The following SLC1A1 variants were observed in gnomAD, a reference collection of about 807,000 sequenced individuals.
SLC1A1 encodes the protein excitatory amino acid transporter 3.
A neutral mutation model predicts 53.3 loss-of-function variants in SLC1A1; 43 were observed. That is an observed-to-expected ratio of 0.81 (90% CI 0.63 to 1.04). SLC1A1 has a LOEUF of 1.04. Among genes scored for constraint, SLC1A1 ranks in the 50% least tolerant of loss-of-function variants. SLC1A1 has a pLI of 0.00. For missense variants in SLC1A1, 748 were observed against 664.9 expected (o/e 1.12, Z -1.37); for synonymous variants, 307 against 243.2 (o/e 1.26, Z -2.44).
At chr9:4,519,072 T>C (rs1198230447) in intron 1 of SLC1A1, among the ~76,000 whole-genome samples, 1 of 152,200 alleles carries the variant, frequency 6.6e-6, no homozygotes, top group Non-Finnish European at 1.5e-5. Flanking sequence ...CAGAACTGTT[T>C]ATTAGTTTGC....
intron 1 of SLC1A1, among the ~76,000 whole-genome samples, chr9:4,531,270 C>T (rs555980102): frequency 2.6e-5 from 4 of 152,286 alleles, no homozygotes; most frequent in East Asian, 1.9e-4. Context: ...TCGCCTCACC[C>T]GGGAAGCACA....
intron 10 of SLC1A1, 28 bp downstream of exon 10, chr9:4,576,791 A>G (rs1398958953): frequency 6.3e-7 from 1 of 1,592,698 alleles, no homozygotes. Context: ...ATTCATTGTC[A>G]TCACTGATAC....
At chr9:4,564,186 T>C (rs554895573) in intron 3 of SLC1A1, among the ~76,000 whole-genome samples, 158 bp from the exon 4 acceptor site, 30 of 152,206 alleles carry the variant, frequency 2.0e-4, no homozygotes, top group Non-Finnish European at 3.8e-4. Context: ...AGGTGGCTGC[T>C]GAGGTTCCAG....
chr9:4,575,951 G>T, intron 8 of SLC1A1, 50 bp from the exon 9 acceptor site: 1 of 1,601,912 alleles, frequency 6.2e-7, no homozygotes, highest in South Asian at 1.1e-5. Flanking sequence ...GATTAAGTGT[G>T]GGGAGGTGGT....
chr9:4,544,499 C>G, intron 1 of SLC1A1, 68 bp from the exon 2 acceptor site: 3 of 1,420,114 alleles, frequency 2.1e-6, no homozygotes, highest in Non-Finnish European at 3.0e-6. Flanking sequence ...AGTATTTTTC[C>G]ATAGACATAG....
At chr9:4,560,769 G>A (rs1284396602) in intron 2 of SLC1A1, among the ~76,000 whole-genome samples, 1 of 152,020 alleles carries the variant, frequency 6.6e-6, no homozygotes, top group Non-Finnish European at 1.5e-5. Context: ...GGCCAAGGTT[G>A]TGGATCACCT....
chr9:4,553,364 C>CTTTTTTTTTTTTTTTTTTTTTTTTTTT (rs33971780), intron 2 of SLC1A1: 2 of 110,152 alleles, frequency 1.8e-5, no homozygotes, highest in Non-Finnish European at 1.7e-5. Flanking sequence ...CCCACCGCTT[C>CTTTTTTTTTTTTTTTTTTTTTTTTTTT]TTTTTTTTTT....
intron 1 of SLC1A1, among the ~76,000 whole-genome samples, chr9:4,531,843 C>G (rs988003578): frequency 6.6e-6 from 1 of 152,128 alleles, no homozygotes; most frequent in Non-Finnish European, 1.5e-5. Context: ...GGCAGGGTAA[C>G]CCTCTGAGAC....
chr9:4,582,672 T>C (rs1050836088), intron 10 of SLC1A1, among the ~76,000 whole-genome samples: 29 of 152,218 alleles, frequency 1.9e-4, no homozygotes, highest in Admixed American at 9.8e-4. Context: ...TGAGTGTATG[T>C]ATACATAGAT....
intron 1 of SLC1A1, among the ~76,000 whole-genome samples, chr9:4,515,676 G>A (rs890249679): frequency 1.3e-5 from 2 of 152,194 alleles, no homozygotes; most frequent in Non-Finnish European, 2.9e-5. Context: ...ACATCCAACT[G>A]GTTTTCACTC....
chr9:4,574,065 T>C (rs1820322044), intron 8 of SLC1A1, 51 bp downstream of exon 8: 7 of 1,237,520 alleles, frequency 5.7e-6, no homozygotes, highest in Non-Finnish European at 8.4e-6. Flanking sequence ...TCTAATAGGA[T>C]GGCCGCTGAG....
intron 3 of SLC1A1, among the ~76,000 whole-genome samples, chr9:4,562,569 C>T (rs574727637): frequency 4.5e-4 from 69 of 152,146 alleles, no homozygotes; most frequent in African/African-American, 1.6e-3. Context: ...GCTCTTATAC[C>T]CTTAGCATAG....
At chr9:4,551,984 G>C (rs956498183) in intron 2 of SLC1A1, among the ~76,000 whole-genome samples, 5 of 152,334 alleles carry the variant, frequency 3.3e-5, no homozygotes, top group Admixed American at 6.5e-5. Context: ...ATAGTGGCAA[G>C]AGATAAATAT....
At chr9:4,562,866 G>T (rs376252288) in intron 3 of SLC1A1, among the ~76,000 whole-genome samples, 43 of 150,340 alleles carry the variant, frequency 2.9e-4, no homozygotes, top group African/African-American at 1.0e-3. Context: ...GAATAATGCC[G>T]CAATAAACAT....
At chr9:4,575,120 G>A (rs10117931) in intron 8 of SLC1A1, among the ~76,000 whole-genome samples, 59,552 of 152,064 alleles carry the variant, frequency 0.39, 12,086 homozygotes, top group Middle Eastern at 0.51. Flanking sequence ...TGTCTAACAG[G>A]AAACTAAAAG....
At chr9:4,562,278 T>G (rs144351384) in intron 3 of SLC1A1, among the ~76,000 whole-genome samples, 1 of 151,876 alleles carries the variant, frequency 6.6e-6, no homozygotes, top group African/African-American at 2.4e-5. Flanking sequence ...TTCACCATGT[T>G]GGCCAGGCTG....
intron 8 of SLC1A1, among the ~76,000 whole-genome samples, chr9:4,575,158 GCT>G (rs757689423): frequency 3.9e-5 from 6 of 152,136 alleles, no homozygotes; most frequent in Non-Finnish European, 8.8e-5. Flanking sequence ...TTAGCTACAA[GCT>G]CTCTATCAAG....
chr9:4,504,440 C>A (rs1424718420), intron 1 of SLC1A1, among the ~76,000 whole-genome samples: 3 of 152,196 alleles, frequency 2.0e-5, no homozygotes. Context: ...CTTTGAACAA[C>A]TGCGTGGGTA....
intron 1 of SLC1A1, 98 bp from the exon 2 acceptor site, chr9:4,544,469 C>T (rs996292894): frequency 9.8e-7 from 1 of 1,023,156 alleles, no homozygotes; most frequent in Non-Finnish European, 1.5e-6. Flanking sequence ...TTTTTCTTGC[C>T]ATTAAAATGT....
Sources: gnomAD v4.1 joint callset for allele counts (sites outside exome capture counted in the v4.1 genomes callset) on GRCh38, gnomAD v4.1.1 for gene constraint, MANE v1.5 for transcripts, NCBI Gene and HGNC (gene_info 2026-07-23, HGNC 2026-07-21) for gene names.